COL18A1: variants seen among roughly 807,000 people sequenced by gnomAD.
COL18A1 encodes the protein collagen type XVIII alpha 1 chain.
Under a neutral mutation model 168.0 loss-of-function variants are expected in COL18A1, and 133 were observed. That is an observed-to-expected ratio of 0.79 (90% confidence interval 0.69 to 0.91). The LOEUF is 0.91. Among genes scored for constraint, COL18A1 ranks in the 40% least tolerant of loss-of-function variants. The pLI, the probability that COL18A1 is intolerant of heterozygous loss-of-function variation, is 0.00. For synonymous variants in COL18A1, 949 were observed against 809.0 expected, an observed-to-expected ratio of 1.17 and a Z score of -2.94; for missense variants, 2,126 against 1,925.4, an observed-to-expected ratio of 1.10 and a Z score of -1.95.
Position 45,443,259 on chromosome 21 carries a change from T to C in COL18A1, c.107-24983T>C, listed in dbSNP as rs560090323. 4.6e-4 allele frequency among the ~76,000 whole-genome samples: 70 copies of C among 152,178 alleles called. No individual in the cohort carries two copies. The East Asian group carries it at 0.014, about 29-fold the overall frequency. On this transcript the variant is annotated intron_variant, in intron 2 of 41. Transcript: ENST00000651438. The surrounding 1 kb of genome is among the most constrained non-coding windows in gnomAD (Gnocchi z 5.2). ...ACCCCATGGCCCCAACCGGCACAAG[T>C]GTGGCTGTCACAGCTGGGGTCTGGG...
chr21:45,488,170 C>CT (rs1039290752), intron 17 of COL18A1, among the ~76,000 whole-genome samples: 1 of 152,272 alleles, frequency 6.6e-6, no homozygotes, highest in Non-Finnish European at 1.5e-5. Context: ...GAGACTCAGC[C>CT]TGTTGAGAGC....
chr21:45,425,186 C>T lies in COL18A1; in HGVS notation c.106+19713C>T, dbSNP rs201921744. On this transcript the variant is annotated intron_variant, in intron 2 of 41. Coordinates refer to ENST00000651438, the MANE Select transcript of COL18A1 (RefSeq NM_001379500.1). This position sits in a 1 kb window ranked among gnomAD's most constrained non-coding sequence, Gnocchi z 4.1. ...CCACCGCCTCCTTCCTCACACCAGT[C>T]TTGGGCTGCGCAGAGCCCCAGCCAT... is the stretch of plus-strand genomic sequence containing the variant. 1 of 152,310 alleles carries T rather than the reference C, an allele frequency of 6.6e-6. No individual in the cohort carries two copies. The highest frequency in any genetic ancestry group is 1.5e-5 in the Non-Finnish European group (1 of 68,130). 9.4% of individuals were successfully genotyped at this position (152,310 alleles called of 1,614,324 possible).
Position 45,504,066 on chromosome 21 carries a change from C to T in COL18A1, c.2727+12C>T, listed in dbSNP as rs975656637. 1.2e-6 allele frequency: 2 copies of T among 1,613,484 alleles called. No homozygotes were observed. Among genetic ancestry groups the T allele is most frequent in the Non-Finnish European group, 8.5e-7 (1 of 1,179,948 alleles). On this transcript the variant is annotated intron_variant, in intron 33 of 41. Coordinates refer to ENST00000651438, the MANE Select transcript of COL18A1 (RefSeq NM_001379500.1). ...AGGCTGAAATGAAGGTGGGTGACCT[C>T]CCTGTGGGGTTGGGGGCCCCCAAGG... is the stretch of plus-strand genomic sequence containing the variant.
At chr21:45,503,943 G>T in intron 32 of COL18A1, 68 bp from the exon 33 acceptor site, 1 of 1,576,460 alleles carries the variant, frequency 6.3e-7, no homozygotes, top group Admixed American at 1.7e-5. Context: ...CAGTGCTGGG[G>T]GCTGCAGAGG....
chr21:45,488,023 C>T (rs1365930752), intron 17 of COL18A1, among the ~76,000 whole-genome samples: 1 of 152,196 alleles, frequency 6.6e-6, no homozygotes, highest in Non-Finnish European at 1.5e-5. Context: ...CCACAAGCTC[C>T]TTCCTCCCCT....
At position 45,505,229 on chromosome 21, in the gene COL18A1, C is replaced by CCCCCCAGGCCCCCCAGGG. The variant is rs752223708; in HGVS notation, c.2970_2987dup (p.Gly991_Pro996dup). ...ACGAGGGGCGCCAGGGCCCTCCCGG[C>CCCCCCAGGCCCCCCAGGG]CCCCCAGGCCCCCCAGGGCCCCCTT... is the stretch of plus-strand genomic sequence containing the variant. On this transcript the variant is annotated inframe_insertion, in exon 35 of 42. Coordinates refer to ENST00000651438, the MANE Select transcript of COL18A1 (RefSeq NM_001379500.1). 3.1e-6 allele frequency: 5 copies of CCCCCCAGGCCCCCCAGGG among 1,590,594 alleles called. No individual in the cohort carries two copies. The African/African-American group carries it at 5.4e-5, about 17-fold the overall frequency.
chr21:45,511,328 C>A (rs1484606711), intron 41 of COL18A1, 102 bp downstream of exon 41: 1 of 709,614 alleles, frequency 1.4e-6, no homozygotes, highest in Admixed American at 2.0e-5. Flanking sequence ...TTGGACAAAT[C>A]TTATACATGC....
At chr21:45,489,358 G>T in intron 18 of COL18A1, 128 bp from the exon 19 acceptor site, 7 of 782,344 alleles carry the variant, frequency 8.9e-6, no homozygotes, top group Non-Finnish European at 1.6e-5. Context: ...GGACCCCTCG[G>T]CTCTGGGCTG....
intron 2 of COL18A1, among the ~76,000 whole-genome samples, chr21:45,417,825 A>G (rs892748215): frequency 6.6e-6 from 1 of 152,226 alleles, no homozygotes; most frequent in Admixed American, 6.5e-5. Flanking sequence ...TGCTCTGTGG[A>G]AAACGCTAAG....
intron 2 of COL18A1, among the ~76,000 whole-genome samples, chr21:45,437,002 T>C (rs945441321): frequency 1.3e-5 from 2 of 152,088 alleles, no homozygotes; most frequent in Non-Finnish European, 2.9e-5. Context: ...TTCTGCTGTC[T>C]GCATCCGTTC....
intron 2 of COL18A1, among the ~76,000 whole-genome samples, chr21:45,429,561 C>T (rs1329294253): frequency 6.6e-6 from 1 of 152,222 alleles, no homozygotes; most frequent in Admixed American, 6.5e-5. Context: ...GTCTCCTCTT[C>T]TCCCCTCTCC....
rs373006940 is a variant in COL18A1 at position 45,491,242 on chromosome 21, C to T, written c.2085C>T (p.Asp695=). The T allele has an allele frequency of 4.9e-5, 79 of 1,612,130 alleles. No individual in the cohort carries two copies. The highest frequency in any genetic ancestry group is 5.5e-5 in the Non-Finnish European group (65 of 1,179,494). The part of the protein sequence containing the change: ...SRGEKGDPGK[D]GVGQPGLPGP... ...TCTTCCAGGGAGATCCAGGGAAGGA[C>T]GGAGTCGGGCAGCCGGGCCTCCCTG... Residue 695 remains aspartate, a synonymous_variant, in exon 22 of 42, where the codon GAC becomes GAT. Coordinates refer to ENST00000651438, the MANE Select transcript of COL18A1 (RefSeq NM_001379500.1).
At chr21:45,506,422 C>T (rs2146092480) in intron 37 of COL18A1, 1 of 311,524 alleles carries the variant, frequency 3.2e-6, no homozygotes, top group East Asian at 8.6e-5. Flanking sequence ...TGCATCCTCT[C>T]TGCTTAGCAC....
rs536376474 is a variant in COL18A1 at position 45,505,980 on chromosome 21, G to A, written c.3216+14G>A. 6.2e-7 allele frequency: 1 copy of A among 1,613,010 alleles called. No individual in the cohort carries two copies. Among genetic ancestry groups the A allele is most frequent in the East Asian group, 2.2e-5 (1 of 44,882 alleles). On this transcript the variant is annotated intron_variant, in intron 37 of 41. Transcript: ENST00000651438. ...CGGAAGGTCCAGGTGAGCGCTCTGTGTGACGGGTTCTGGACCCGTGGAAGG... is the reference window on the plus strand; with the variant it reads ...CGGAAGGTCCAGGTGAGCGCTCTGTATGACGGGTTCTGGACCCGTGGAAGG...
chr21:45,485,210 A>C (rs2036069232), intron 15 of COL18A1, among the ~76,000 whole-genome samples: 2 of 128,692 alleles, frequency 1.6e-5, no homozygotes, highest in African/African-American at 6.0e-5. Flanking sequence ...CATGATGGCC[A>C]GGCTGGTCTC....
intron 18 of COL18A1, 81 bp from the exon 19 acceptor site, chr21:45,489,405 C>T: frequency 9.4e-7 from 1 of 1,067,032 alleles, no homozygotes; most frequent in South Asian, 1.3e-5. Flanking sequence ...GTAACTCACC[C>T]TTCCCTTCAC....
intron 2 of COL18A1, among the ~76,000 whole-genome samples, chr21:45,465,359 G>A (rs536122685): frequency 1.2e-3 from 184 of 152,282 alleles, no homozygotes; most frequent in African/African-American, 4.1e-3. Flanking sequence ...ACAGGGGCCC[G>A]TTTCTTAGGT....
At chr21:45,417,750 G>A (rs1261819318) in intron 2 of COL18A1, among the ~76,000 whole-genome samples, 1 of 152,252 alleles carries the variant, frequency 6.6e-6, no homozygotes, top group Non-Finnish European at 1.5e-5. Context: ...TGTAGCCACT[G>A]TGGTCTGGGC....
rs1218320423 is a variant in COL18A1, at chr21:45,491,399, C to T, written c.2157+85C>T. The stretch of plus-strand genomic sequence containing the variant: ...TCCCTCCCCGAGCCCCCCCCACACC[C>T]CCACATCCCCCAGGTCAGGACAGGC... On this transcript the variant is annotated intron_variant, in intron 22 of 41. Transcript: ENST00000651438. 3 of 727,758 alleles carry T rather than the reference C, an allele frequency of 4.1e-6. No homozygotes were observed. The East Asian group carries it at 8.1e-5, about 20-fold the overall frequency. The allele number at this position is 727,758 out of a possible 1,614,324, so 45.1% of individuals were successfully genotyped here.
Sources: gnomAD v4.1 joint callset for allele counts (sites outside exome capture counted in the v4.1 genomes callset) on GRCh38, gnomAD v4.1.1 for gene constraint, Gnocchi (gnomAD v3.1) non-coding constraint, MANE v1.5 for transcripts, NCBI Gene and HGNC (gene_info 2026-07-23, HGNC 2026-07-21) for gene names.